Variants in ZNF729 observed in about 807,000 individuals in gnomAD.
ZNF729 encodes zinc finger protein 729.
ZNF729 carries 15 observed loss-of-function variants against 12.2 expected under a neutral mutation model. The ratio of observed to expected loss-of-function variants is 1.23; its 90% CI spans 0.82 to 1.89. ZNF729 has a LOEUF of 1.89. Ranked by LOEUF, ZNF729 falls within the 40% of genes most tolerant of loss-of-function variation. ZNF729 has a pLI of 0.00. For missense variants in ZNF729, 1,540 were observed against 1,456.7 expected (o/e 1.06, Z -0.93); for synonymous variants, 492 against 476.3 (o/e 1.03, Z -0.43).
intron 1 of ZNF729, among the ~76,000 whole-genome samples, chr19:22,298,146 A>T (rs1015253899): frequency 6.6e-6 from 1 of 152,108 alleles, no homozygotes; most frequent in Non-Finnish European, 1.5e-5. Context: ...TAGCATAGTT[A>T]CGTGTAGTGT....
chr19:22,287,479 C>T (rs1968094952), intron 1 of ZNF729, among the ~76,000 whole-genome samples: 1 of 151,938 alleles, frequency 6.6e-6, no homozygotes, highest in South Asian at 2.1e-4. Context: ...TTTGGTCAGG[C>T]TGGTCTCGAA....
chr19:22,294,595 G>A (rs1364455241), intron 1 of ZNF729, among the ~76,000 whole-genome samples: 1 of 148,814 alleles, frequency 6.7e-6, no homozygotes, highest in Non-Finnish European at 1.5e-5. Context: ...TTCTACCTAT[G>A]AGCATAGAAT....
intron 1 of ZNF729, among the ~76,000 whole-genome samples, chr19:22,294,407 C>T (rs528791059): frequency 6.6e-6 from 1 of 152,118 alleles, no homozygotes; most frequent in Non-Finnish European, 1.5e-5. Flanking sequence ...TGTAACGCCT[C>T]CAGCTTTGTT....
At chr19:22,298,005 CAAAAAAA>C (rs34435303) in intron 1 of ZNF729, among the ~76,000 whole-genome samples, 9 of 68,134 alleles carry the variant, frequency 1.3e-4, no homozygotes, top group Admixed American at 1.0e-3. Context: ...AACTCCATCT[CAAAAAAA>C]AAAAAAAAAA....
Position 22,286,540 on chromosome 19 carries a change from T to C in ZNF729, c.15T>C (p.Pro5=). Residue 5 remains proline, a synonymous_variant, in exon 1 of 4, where the codon CCT becomes CCC. Transcript: ENST00000601693. ...CCACAGCTAACATGCCAGGTGCCCC[T>C]GGCAGCCTAGAAATGGTGAGAGTGC... is the stretch of plus-strand genomic sequence containing the variant. MPGA[P]GSLEMGPLTF... is the part of the protein sequence containing the mutation. The C allele has an allele frequency of 1.9e-6, 3 of 1,613,800 alleles. No individual in the cohort carries two copies. Among genetic ancestry groups the C allele is most frequent in the Non-Finnish European group, 2.5e-6 (3 of 1,179,980 alleles).
intron 3 of ZNF729, among the ~76,000 whole-genome samples, chr19:22,307,000 A>G (rs1287322630): frequency 1.3e-5 from 2 of 151,830 alleles, no homozygotes; most frequent in Non-Finnish European, 2.9e-5. Flanking sequence ...ATATTTATAT[A>G]TGGATTTTTG....
At chr19:22,312,440 TTGTG>T (rs138264785) in intron 3 of ZNF729, among the ~76,000 whole-genome samples, 3,047 of 144,646 alleles carry the variant, frequency 0.021, 87 homozygotes, top group African/African-American at 0.071. Flanking sequence ...TTGTCTGAAA[TTGTG>T]TGTGTGTGTG....
Position 22,316,966 on chromosome 19 carries a change from T to C in ZNF729, c.3549T>C (p.Thr1183=), listed in dbSNP as rs1968556969. ...SHLTRHKTIH[T]GEKPYKCEEC... The stretch of plus-strand genomic sequence containing the variant: ...TTACTAGACACAAAACAATTCATAC[T>C]GGAGAGAAACCCTACAAATGTGAAG... The change falls in exon 4 of 4, where the codon ACT becomes ACC. Residue 1183 remains threonine, a synonymous_variant. Coordinates refer to ENST00000601693, the MANE Select transcript of ZNF729 (RefSeq NM_001242680.2). The C allele has an allele frequency of 1.2e-6, 2 of 1,612,892 alleles. No individual in the cohort carries two copies. Among genetic ancestry groups the C allele is most frequent in the African/African-American group, 1.3e-5 (1 of 74,892 alleles).
intron 1 of ZNF729, among the ~76,000 whole-genome samples, chr19:22,298,384 ATTAG>A (rs1226864042): frequency 6.6e-6 from 1 of 152,352 alleles, no homozygotes; most frequent in South Asian, 2.1e-4. Flanking sequence ...TATCTAATAC[ATTAG>A]TTATTTATAC....
chr19:22,289,668 T>G (rs901250920), intron 1 of ZNF729, among the ~76,000 whole-genome samples: 1 of 152,158 alleles, frequency 6.6e-6, no homozygotes, highest in Non-Finnish European at 1.5e-5. Context: ...TCTCTTCCAT[T>G]TTGGCTTCAG....
chr19:22,315,944 A>T lies in ZNF729; in HGVS notation c.2527A>T (p.Lys843Ter), dbSNP rs745680503. ...FKHFSALRKHKVIHTGKKPYK... is the reference protein window; with the variant it reads ...FKHFSALRKH ...GCATTTCTCAGCCCTTAGAAAACAT[A>T]AGGTAATTCATACTGGAAAGAAACC... Residue 843 changes from lysine to a stop codon, truncating the protein, a stop_gained, in exon 4 of 4, where the codon AAG becomes TAG. Coordinates refer to ENST00000601693, the MANE Select transcript of ZNF729 (RefSeq NM_001242680.2). LOFTEE classifies it low-confidence loss of function (END_TRUNC). 2 of 1,610,840 alleles carry T rather than the reference A, an allele frequency of 1.2e-6. No homozygotes were observed. The highest frequency in any genetic ancestry group is 2.7e-5 in the African/African-American group (2 of 74,862).
intron 3 of ZNF729, among the ~76,000 whole-genome samples, chr19:22,308,210 G>A (rs1568575306): frequency 6.6e-6 from 1 of 152,074 alleles, no homozygotes; most frequent in Non-Finnish European, 1.5e-5. Flanking sequence ...CCATTTTATG[G>A]CTGAGTAGTG....
At chr19:22,287,692 A>AT (rs1375994695) in intron 1 of ZNF729, among the ~76,000 whole-genome samples, 2 of 140,994 alleles carry the variant, frequency 1.4e-5, no homozygotes, top group African/African-American at 2.6e-5. Flanking sequence ...TTTCCCTTGC[A>AT]TTTTTTACAG....
At position 22,316,764 on chromosome 19, in the gene ZNF729, C is replaced by A. The variant is rs1290720437; in HGVS notation, c.3347C>A (p.Ser1116Tyr). 9.9e-6 allele frequency: 16 copies of A among 1,610,466 alleles called. No homozygotes were observed. Among genetic ancestry groups the A allele is most frequent in the African/African-American group, 2.7e-5 (2 of 74,104 alleles). Residue 1116 changes from serine to tyrosine, a missense_variant, in exon 4 of 4, where the codon TCC becomes TAC. Physicochemically the swap from Ser to Tyr is moderately radical, Grantham distance 144. Coordinates refer to ENST00000601693, the MANE Select transcript of ZNF729 (RefSeq NM_001242680.2). ...GAATGTGGCAAAGCTTTTAACAATT[C>A]CTCAACCCTTACGAAACATAAGATA... ...CDECGKAFNN[S>Y]STLTKHKIIH...
chr19:22,312,478 T>TGTGTG (rs1568576354), intron 3 of ZNF729, among the ~76,000 whole-genome samples: 98 of 102,418 alleles, frequency 9.6e-4, no homozygotes, highest in African/African-American at 4.6e-3. Context: ...GTGTGTGTGT[T>TGTGTG]TAGATAAAGA....
At position 22,291,428 on chromosome 19, in the gene ZNF729, G is replaced by A. The variant is rs143663763; in HGVS notation, c.30+4873G>A. 2.8e-3 allele frequency among the ~76,000 whole-genome samples: 426 copies of A among 150,106 alleles called. 3 individuals are homozygous for A. The highest frequency in any genetic ancestry group is 9.9e-3 in the African/African-American group (403 of 40,812). On this transcript the variant is annotated intron_variant, in intron 1 of 3. Coordinates refer to ENST00000601693, the MANE Select transcript of ZNF729 (RefSeq NM_001242680.2). Reference sequence around the variant, plus strand: ...AGACATTGACTTGTCCACACCCCTCGTAGGAATAGGTACCACCCCCAGCAA... The same window carrying A: ...AGACATTGACTTGTCCACACCCCTCATAGGAATAGGTACCACCCCCAGCAA...
At position 22,313,741 on chromosome 19, in the gene ZNF729, A is replaced by G; in HGVS notation, c.324A>G (p.Ile108Met). 1.3e-6 allele frequency: 2 copies of G among 1,586,830 alleles called. No homozygotes were observed. Among genetic ancestry groups the G allele is most frequent in the South Asian group, 1.2e-5 (1 of 86,508 alleles). The stretch of plus-strand genomic sequence containing the variant: ...CAAAAGATTCTTTCCAAGAAGTAAT[A>G]CTGAGAACATATGCAAGATGTGGAC... ...QSTKDSFQEV[I>M]LRTYARCGHK... Residue 108 changes from isoleucine to methionine, a missense_variant, in exon 4 of 4, where the codon ATA (isoleucine) becomes ATG (methionine). By Grantham distance (10) the Ile-to-Met change is conservative (BLOSUM62 1). Transcript: ENST00000601693.
chr19:22,291,479 G>A (rs571541594), intron 1 of ZNF729, among the ~76,000 whole-genome samples: 1 of 152,064 alleles, frequency 6.6e-6, no homozygotes, highest in Non-Finnish European at 1.5e-5. Flanking sequence ...TTTGATCCTA[G>A]CGTTTCTTGC....
In ZNF729 at chr19:22,315,658, A is replaced by C; in HGVS notation, c.2241A>C (p.Lys747Asn). 6.2e-7 allele frequency: 1 copy of C among 1,608,596 alleles called. No individual in the cohort carries two copies. The highest frequency in any genetic ancestry group is 8.5e-7 in the Non-Finnish European group (1 of 1,179,250). The change falls in exon 4 of 4, where the codon AAA becomes AAC. Residue 747 changes from lysine to asparagine, a missense_variant. Lys to Asn is a moderately conservative substitution (Grantham distance 94). Transcript: ENST00000601693. ...EKPCKCEECG[K>N]SFKHFSALRK... is the part of the protein sequence containing the mutation. ...CCTGCAAATGTGAAGAATGTGGCAA[A>C]TCTTTTAAGCATTTCTCAGCCCTTA...
Sources: gnomAD v4.1 joint callset for allele counts (sites outside exome capture counted in the v4.1 genomes callset) on GRCh38, gnomAD v4.1.1 for gene constraint, MANE v1.5 for transcripts, NCBI Gene and HGNC (gene_info 2026-07-23, HGNC 2026-07-21) for gene names.